PSD3: variants seen among roughly 807,000 people sequenced by gnomAD.
PSD3 encodes the protein PH and SEC7 domain-containing protein 3.
Under a neutral mutation model 105.5 loss-of-function variants are expected in PSD3, and 49 were observed. That is an observed-to-expected ratio of 0.46 (90% CI 0.37 to 0.59). The LOEUF (loss-of-function observed/expected upper bound fraction) is 0.59. Among genes scored for constraint, PSD3 ranks in the 20% least tolerant of loss-of-function variants. The probability of loss-of-function intolerance (pLI) is 0.00; values close to 1 mark genes in which losing one functional copy is unlikely to be tolerated. For missense variants in PSD3, 1,561 were observed against 1,263.8 expected, an observed-to-expected ratio of 1.24 and a Z score of -3.57; for synonymous variants, 557 against 457.8, an observed-to-expected ratio of 1.22 and a Z score of -2.77.
intron 3 of PSD3, among the ~76,000 whole-genome samples, chr8:18,870,056 G>A (rs999892241): frequency 2.6e-5 from 4 of 152,158 alleles, no homozygotes; most frequent in African/African-American, 9.7e-5. Context: ...CACATATCAA[G>A]GCCGCTTTGG....
chr8:19,019,823 G>C (rs138272784), intron 1 of PSD3, among the ~76,000 whole-genome samples: 2 of 152,196 alleles, frequency 1.3e-5, no homozygotes, highest in Admixed American at 6.5e-5. Flanking sequence ...ATGCTGGGTG[G>C]GTGAGAGGGA....
chr8:18,782,733 G>C (rs1808760869), intron 8 of PSD3, among the ~76,000 whole-genome samples: 1 of 152,176 alleles, frequency 6.6e-6, no homozygotes, highest in Admixed American at 6.5e-5. Context: ...AATGTCTGCG[G>C]CTGCAACAGC....
At chr8:18,849,394 C>T (rs1815386557) in intron 4 of PSD3, 1 of 152,210 alleles carries the variant, frequency 6.6e-6, no homozygotes, top group African/African-American at 2.4e-5. Context: ...TCAGACACCT[C>T]AACTGCCTTC....
intron 4 of PSD3, among the ~76,000 whole-genome samples, chr8:18,822,578 C>G (rs781333636): frequency 1.3e-5 from 2 of 152,204 alleles, no homozygotes; most frequent in African/African-American, 2.4e-5. Flanking sequence ...GTCCCTCCTA[C>G]GCCAATATCT....
intron 1 of PSD3, among the ~76,000 whole-genome samples, chr8:19,029,908 A>G (rs918886261): frequency 6.6e-5 from 10 of 152,178 alleles, no homozygotes; most frequent in Non-Finnish European, 1.0e-4. Flanking sequence ...CTAAATTAAA[A>G]TCTTAATAAT....
intron 9 of PSD3, among the ~76,000 whole-genome samples, chr8:18,731,438 A>G (rs1481642925): frequency 6.6e-6 from 1 of 152,134 alleles, no homozygotes; most frequent in Non-Finnish European, 1.5e-5. Flanking sequence ...GATTCTCTAT[A>G]CCCTTCCTCT....
At chr8:19,008,062 C>CA (rs1554567357) in intron 1 of PSD3, among the ~76,000 whole-genome samples, 4 of 152,074 alleles carry the variant, frequency 2.6e-5, no homozygotes, top group Admixed American at 1.3e-4. Flanking sequence ...AGGCTGGTCT[C>CA]AACTCCGCTG....
intron 4 of PSD3, among the ~76,000 whole-genome samples, chr8:18,828,045 ATG>A (rs566093553): frequency 2.4e-5 from 3 of 126,220 alleles, no homozygotes; most frequent in African/African-American, 6.3e-5. Context: ...TAATATATAT[ATG>A]TATATATATA....
intron 9 of PSD3, among the ~76,000 whole-genome samples, chr8:18,752,630 T>C (rs1805688254): frequency 1.2e-5 from 1 of 82,754 alleles, no homozygotes; most frequent in Non-Finnish European, 2.1e-5. Context: ...ATATATTATA[T>C]ATAATATATA....
chr8:18,906,484 G>C (rs1277294586), intron 2 of PSD3, among the ~76,000 whole-genome samples: 2 of 152,142 alleles, frequency 1.3e-5, no homozygotes, highest in African/African-American at 2.4e-5. Flanking sequence ...TATTACCAAA[G>C]ACTTAAAGAT....
At chr8:18,922,539 A>C (rs73666752) in intron 2 of PSD3, among the ~76,000 whole-genome samples, 2,301 of 152,266 alleles carry the variant, frequency 0.015, 54 homozygotes, top group African/African-American at 0.051. Context: ...CCGAGCAAGC[A>C]ATCAATTCTG....
In PSD3 at chr8:18,718,189, A is replaced by G. The variant is rs974754262; in HGVS notation, c.2172+47260T>C. 5.3e-5 allele frequency among the ~76,000 whole-genome samples: 8 copies of G among 152,098 alleles called. 1 individual carries two copies. Among genetic ancestry groups the G allele is most frequent in the Admixed American group, 4.6e-4 (7 of 15,276 alleles). On this transcript the variant is annotated intron_variant, in intron 9 of 15. Transcript: ENST00000327040. The stretch of plus-strand genomic sequence containing the variant: ...GCCATTTCCTAAAACAACACCCTCA[A>G]CAAGGTTACCTTGTATGTAATAGTC...
In PSD3 at chr8:18,578,985, C is replaced by T. The variant is rs137973439; in HGVS notation, c.2482-3700G>A. The stretch of plus-strand genomic sequence containing the variant: ...AAAAATTTTAAGTCTAGGAAGCTTC[C>T]GCTTTTCTAGTTGATAATACAATTT... On this transcript the variant is annotated intron_variant, in intron 12 of 15. Coordinates refer to ENST00000327040, the MANE Select transcript of PSD3 (RefSeq NM_015310.4). Among the ~76,000 whole-genome samples, 460 of 152,072 alleles carry T rather than the reference C, an allele frequency of 3.0e-3. 3 individuals are homozygous for T. Among genetic ancestry groups the T allele is most frequent in the African/African-American group, 0.01 (417 of 41,492 alleles).
intron 1 of PSD3, among the ~76,000 whole-genome samples, chr8:18,987,146 G>T (rs766313876): frequency 6.6e-6 from 1 of 151,630 alleles, no homozygotes. Context: ...CCACCCTTTT[G>T]TTTTTAAAAG....
intron 8 of PSD3, among the ~76,000 whole-genome samples, chr8:18,784,461 A>G (rs1808932615): frequency 6.6e-6 from 1 of 152,180 alleles, no homozygotes; most frequent in African/African-American, 2.4e-5. Flanking sequence ...CAATTATAAT[A>G]CTATGTATCT....
At chr8:18,810,923 C>A (rs147365455) in intron 4 of PSD3, among the ~76,000 whole-genome samples, 13 of 152,216 alleles carry the variant, frequency 8.5e-5, no homozygotes, top group African/African-American at 2.9e-4. Flanking sequence ...AGTAAGTACA[C>A]CATCAGCAAA....
At chr8:18,892,372 C>T (rs367840648) in intron 2 of PSD3, among the ~76,000 whole-genome samples, 132 of 148,696 alleles carry the variant, frequency 8.9e-4, no homozygotes, top group African/African-American at 3.0e-3. Flanking sequence ...TACAGGCGCC[C>T]GCCACCACAC....
At chr8:18,728,169 G>T (rs1391416820) in intron 9 of PSD3, among the ~76,000 whole-genome samples, 1 of 152,102 alleles carries the variant, frequency 6.6e-6, no homozygotes, top group Non-Finnish European at 1.5e-5. Flanking sequence ...CATCACTTCA[G>T]CCTTCACTGA....
At chr8:19,018,367 A>C (rs1827241170), upstream of PSD3, among the ~76,000 whole-genome samples, 1 of 152,096 alleles carries the variant, frequency 6.6e-6, no homozygotes, top group South Asian at 2.1e-4. Context: ...TTTAAAAAAA[A>C]AAAATGAGGC....
Sources: gnomAD v4.1 joint callset for allele counts (sites outside exome capture counted in the v4.1 genomes callset) on GRCh38, gnomAD v4.1.1 for gene constraint, MANE v1.5 for transcripts, NCBI Gene and HGNC (gene_info 2026-07-23, HGNC 2026-07-21) for gene names.